Variants in PBX1 observed in about 807,000 individuals in gnomAD.
PBX1 encodes pre-B-cell leukemia transcription factor 1.
A neutral mutation model predicts 53.4 loss-of-function variants in PBX1; 6 were observed. The ratio of observed to expected loss-of-function variants is 0.11; its 90% CI spans 0.06 to 0.22. The LOEUF (loss-of-function observed/expected upper bound fraction) is 0.22, where lower values mean the gene tolerates loss of function less well. PBX1 is among the 10% of genes least tolerant of loss of function. The pLI, the probability that PBX1 is intolerant of heterozygous loss-of-function variation, is 1.00. For synonymous variants in PBX1, 204 were observed against 212.3 expected (o/e 0.96, Z 0.34); for missense variants, 251 against 551.4 (o/e 0.46, Z 5.46).
chr1:164,696,281 A>G (rs1662795414), intron 2 of PBX1, among the ~76,000 whole-genome samples: 1 of 152,168 alleles, frequency 6.6e-6, no homozygotes, highest in Non-Finnish European at 1.5e-5. Context: ...AAAAAGAATG[A>G]CAGAGCCTGG....
chr1:164,692,584 A>G (rs537445826), intron 2 of PBX1, among the ~76,000 whole-genome samples: 1 of 152,312 alleles, frequency 6.6e-6, no homozygotes, highest in African/African-American at 2.4e-5. Flanking sequence ...AACCCTTTCA[A>G]GAAATGCTGG....
Position 164,693,138 on chromosome 1 carries a change from G to A in PBX1, c.266-99356G>A, listed in dbSNP as rs370656514. The stretch of plus-strand genomic sequence containing the variant: ...CAGGGTTCTTCTCCCCACTGCCACT[G>A]TAACACAGCAGATTTAAACTACAAG... On this transcript the variant is annotated intron_variant, in intron 2 of 8. Coordinates refer to ENST00000420696, the MANE Select transcript of PBX1 (RefSeq NM_002585.4). Among the ~76,000 whole-genome samples, 127 of 143,588 alleles carry A rather than the reference G, an allele frequency of 8.8e-4. 1 individual carries two copies. The highest frequency in any genetic ancestry group is 3.3e-3 in the African/African-American group (127 of 38,520). The allele number at this position is 143,588 out of a possible 152,430, so 94.2% of individuals were successfully genotyped here.
rs1557987457 is a variant in PBX1, at chr1:164,755,438, C to T, written c.266-37056C>T. Among the ~76,000 whole-genome samples, 12 of 152,250 alleles carry T rather than the reference C, an allele frequency of 7.9e-5. No homozygotes were observed. The South Asian group carries it at 2.1e-3, about 26-fold the overall frequency. ...TGCTGAGATTACAGGCATGAGCCAC[C>T]GCGCCCAGCCTTTTACTTGTGGTTA... On this transcript the variant is annotated intron_variant, in intron 2 of 8. Coordinates refer to ENST00000420696, the MANE Select transcript of PBX1 (RefSeq NM_002585.4).
intron 8 of PBX1, 55 bp from the exon 9 acceptor site, chr1:164,846,529 T>A (rs1671576032): frequency 6.6e-7 from 1 of 1,507,098 alleles, no homozygotes; most frequent in South Asian, 1.1e-5. Flanking sequence ...CATTGTCTGC[T>A]GAAAACAGCC....
At chr1:164,756,470 AATC>A (rs1220746205) in intron 2 of PBX1, among the ~76,000 whole-genome samples, 2 of 152,200 alleles carry the variant, frequency 1.3e-5, no homozygotes, top group African/African-American at 4.8e-5. Flanking sequence ...ATATGCTTAT[AATC>A]ATATTTATAA....
At chr1:164,645,328 T>C (rs1199577648) in intron 2 of PBX1, among the ~76,000 whole-genome samples, 1 of 152,150 alleles carries the variant, frequency 6.6e-6, no homozygotes, top group Admixed American at 6.5e-5. Context: ...CCCATTTACA[T>C]GGGGAAAAGC....
chr1:164,577,933 C>G (rs894275098), intron 2 of PBX1, among the ~76,000 whole-genome samples: 3 of 152,162 alleles, frequency 2.0e-5, no homozygotes, highest in Non-Finnish European at 4.4e-5. Context: ...CTGACTGTTA[C>G]AGATGTTGCA....
chr1:164,725,615 G>C (rs1465365683), intron 2 of PBX1, among the ~76,000 whole-genome samples: 2 of 152,136 alleles, frequency 1.3e-5, no homozygotes, highest in African/African-American at 2.4e-5. Flanking sequence ...ACATGGTTCT[G>C]TTTTGCTCCT....
chr1:164,698,618 C>T (rs922928165), intron 2 of PBX1, among the ~76,000 whole-genome samples: 1 of 152,088 alleles, frequency 6.6e-6, no homozygotes, highest in Non-Finnish European at 1.5e-5. Flanking sequence ...ATCTGTGTAG[C>T]CAAACTAAGG....
chr1:164,690,865 C>G (rs985795728), intron 2 of PBX1, among the ~76,000 whole-genome samples: 5 of 151,980 alleles, frequency 3.3e-5, no homozygotes, highest in Non-Finnish European at 5.9e-5. Flanking sequence ...ACGGATGATG[C>G]GGTGGAGATT....
At chr1:164,567,334 C>A (rs1653505057) in intron 2 of PBX1, among the ~76,000 whole-genome samples, 1 of 152,074 alleles carries the variant, frequency 6.6e-6, no homozygotes, top group East Asian at 1.9e-4. Context: ...GATCAGATTC[C>A]TTTTGGGGTT....
At chr1:164,681,682 G>C (rs1661780223) in intron 2 of PBX1, among the ~76,000 whole-genome samples, 2 of 152,284 alleles carry the variant, frequency 1.3e-5, no homozygotes, top group African/African-American at 2.4e-5. Context: ...CTTTAGAGTG[G>C]AGCGTGGAAG....
intron 2 of PBX1, among the ~76,000 whole-genome samples, chr1:164,663,200 G>A (rs976899963): frequency 2.7e-5 from 4 of 145,652 alleles, no homozygotes; most frequent in African/African-American, 1.0e-4. Context: ...CTTCCTTCCT[G>A]CCTTCCTTCC....
At chr1:164,734,310 C>A (rs1665156115) in intron 2 of PBX1, among the ~76,000 whole-genome samples, 1 of 152,178 alleles carries the variant, frequency 6.6e-6, no homozygotes, top group South Asian at 2.1e-4. Flanking sequence ...GAATCAACTT[C>A]TGTGAATAAC....
In PBX1 at chr1:164,848,593, T is replaced by C; in HGVS notation, c.*1917T>C. 2 of 1,058,748 alleles carry C rather than the reference T, an allele frequency of 1.9e-6. No homozygotes were observed. Among genetic ancestry groups the C allele is most frequent in the Non-Finnish European group, 2.3e-6 (2 of 875,252 alleles). 65.6% of individuals were successfully genotyped at this position (1,058,748 alleles called of 1,614,324 possible). A position where few individuals can be genotyped will look rare whatever the true frequency, so the allele number is the denominator to read the frequency against. On this transcript the variant is annotated 3_prime_UTR_variant, in exon 9 of 9. Transcript: ENST00000420696. ...AGAGAAGAGTTATTGTTGATCTTCT[T>C]GGTTTTGGTCTGTCTCTTTTCTTAG...
chr1:164,789,041 G>A (rs779245516), intron 2 of PBX1, among the ~76,000 whole-genome samples: 1 of 152,224 alleles, frequency 6.6e-6, no homozygotes, highest in Non-Finnish European at 1.5e-5. Flanking sequence ...CCACCACTGC[G>A]CCCAATTAAA....
intron 6 of PBX1, chr1:164,817,697 T>C (rs1429220078): frequency 1.3e-5 from 2 of 152,278 alleles, no homozygotes; most frequent in Non-Finnish European, 2.9e-5. Context: ...ATCACCTGTG[T>C]CAATTGCAAT....
In PBX1 at chr1:164,715,748, A is replaced by C. The variant is rs557364270; in HGVS notation, c.266-76746A>C. On this transcript the variant is annotated intron_variant, in intron 2 of 8. Coordinates refer to ENST00000420696, the MANE Select transcript of PBX1 (RefSeq NM_002585.4). ...CTTCTAAAATAGGATTTTGTGAATT[A>C]TTTGAGTCTATTTCTCTGACTCAGA... is the stretch of plus-strand genomic sequence containing the variant. 3.1e-4 allele frequency among the ~76,000 whole-genome samples: 47 copies of C among 152,320 alleles called. 1 individual carries two copies. The highest frequency in any genetic ancestry group is 1.1e-3 in the African/African-American group (46 of 41,560).
rs1347054226 is a variant in PBX1, at chr1:164,875,984, A to ATGTG, written n.258-23202_258-23199dup. On this transcript the variant is annotated intron_variant and non_coding_transcript_variant, in intron 2 of 2. Coordinates refer to the PBX1 transcript ENST00000558796. ...ATGTATACCTATATATATTTGGTGTATGTGTATATATATATATATATACAC... is the reference window on the plus strand; with the variant it reads ...ATGTATACCTATATATATTTGGTGTATGTGTGTGTATATATATATATATATACAC... Among the ~76,000 whole-genome samples the ATGTG allele has an allele frequency of 5.6e-4, 28 of 50,210 alleles. 1 individual carries two copies. The highest frequency in any genetic ancestry group is 2.7e-3 in the East Asian group (2 of 750). The allele number at this position is 50,210 out of a possible 152,430, so 32.9% of individuals were successfully genotyped here.
Sources: allele counts gnomAD v4.1 joint callset (sites outside exome capture counted in the v4.1 genomes callset), GRCh38; gene constraint gnomAD v4.1.1; transcripts MANE v1.5; gene names NCBI Gene and HGNC (gene_info 2026-07-23, HGNC 2026-07-21).